Variants in AMN1 observed in about 807,000 individuals in gnomAD.
The protein encoded by AMN1 is protein AMN1 homolog.
AMN1 carries 20 observed loss-of-function variants against 33.0 expected under a neutral mutation model. That is an observed-to-expected ratio of 0.61 (90% CI 0.43 to 0.88). The LOEUF (loss-of-function observed/expected upper bound fraction) is 0.88. AMN1 is among the 40% of genes least tolerant of loss of function. The pLI, the probability that AMN1 is intolerant of heterozygous loss-of-function variation, is 0.00. For synonymous variants in AMN1, 114 were observed against 111.9 expected (o/e 1.02, Z -0.12); for missense variants, 246 against 307.4 (o/e 0.80, Z 1.49).
chr12:31,701,784 C>T (rs879294674), intron 3 of AMN1, 79 bp downstream of exon 3: 125 of 1,204,626 alleles, frequency 1.0e-4, no homozygotes, highest in Non-Finnish European at 1.3e-4. Flanking sequence ...TCTCTTTTGA[C>T]GTATTTTCTC....
chr12:31,712,037 C>T (rs1386752713), intron 1 of AMN1, among the ~76,000 whole-genome samples: 1 of 151,584 alleles, frequency 6.6e-6, no homozygotes, highest in African/African-American at 2.4e-5. Flanking sequence ...AGAATTCATT[C>T]ATTCCCCCCT....
intron 1 of AMN1, among the ~76,000 whole-genome samples, chr12:31,720,576 T>C (rs967869832): frequency 6.6e-6 from 1 of 152,136 alleles, no homozygotes; most frequent in African/African-American, 2.4e-5. Context: ...CATTCCTCCT[T>C]TTTCTCACAA....
chr12:31,680,344 G>A (rs1164717310), intron 6 of AMN1, among the ~76,000 whole-genome samples: 1 of 151,720 alleles, frequency 6.6e-6, no homozygotes, highest in African/African-American at 2.4e-5. Flanking sequence ...GGGATTATAG[G>A]CACCCGTCAC....
At chr12:31,709,061 C>T (rs1303642129) in intron 2 of AMN1, 1 of 559,044 alleles carries the variant, frequency 1.8e-6, no homozygotes, top group African/African-American at 1.9e-5. Flanking sequence ...ACCTATAGTC[C>T]CAACTACTCA....
upstream of AMN1, chr12:31,729,104 T>C (rs918619668): frequency 7.4e-7 from 1 of 1,347,438 alleles, no homozygotes; most frequent in African/African-American, 1.5e-5. Context: ...GACGCGTAGG[T>C]TTTTGTGACG....
At chr12:31,700,708 G>A (rs1331300002) in intron 3 of AMN1, among the ~76,000 whole-genome samples, 1 of 149,312 alleles carries the variant, frequency 6.7e-6, no homozygotes, top group East Asian at 2.0e-4. Context: ...TTATTTTTTT[G>A]AGACGGAGTC....
chr12:31,697,702 C>CA (rs763466711), intron 4 of AMN1, 38 bp downstream of exon 4: 213 of 1,577,116 alleles, frequency 1.4e-4, no homozygotes, highest in Non-Finnish European at 1.7e-4. Flanking sequence ...ATTTGGTAAA[C>CA]ACATAGTCTA....
intron 1 of AMN1, among the ~76,000 whole-genome samples, chr12:31,721,725 C>A (rs1234735361): frequency 6.6e-6 from 1 of 152,280 alleles, no homozygotes; most frequent in East Asian, 1.9e-4. Flanking sequence ...ACCTGGTCTG[C>A]CACTTGGAAG....
intron 5 of AMN1, among the ~76,000 whole-genome samples, chr12:31,694,442 C>CAAAA (rs71062451): frequency 1.1e-3 from 125 of 116,756 alleles, no homozygotes; most frequent in African/African-American, 4.1e-3. Flanking sequence ...AACTCTGTCT[C>CAAAA]AAAAAAAAAA....
chr12:31,702,082 T>C (rs1939031084), intron 2 of AMN1, 75 bp from the exon 3 acceptor site: 4 of 1,346,878 alleles, frequency 3.0e-6, no homozygotes, highest in Non-Finnish European at 4.0e-6. Context: ...TTCAGTGTTT[T>C]GGTGGTCATA....
chr12:31,685,669 C>T (rs943514310), intron 6 of AMN1, among the ~76,000 whole-genome samples: 11 of 151,712 alleles, frequency 7.3e-5, no homozygotes, highest in African/African-American at 1.5e-4. Flanking sequence ...GACCTGGTGG[C>T]GGGCGTCTGT....
upstream of AMN1, chr12:31,729,094 G>T (rs114266500): frequency 2.9e-6 from 4 of 1,402,178 alleles, no homozygotes; most frequent in Admixed American, 7.5e-5. Context: ...CCCACCGCGC[G>T]ACGCGTAGGT....
intron 6 of AMN1, among the ~76,000 whole-genome samples, chr12:31,684,575 A>C (rs565049903): frequency 2.7e-4 from 41 of 149,864 alleles, no homozygotes; most frequent in Non-Finnish European, 4.9e-4. Context: ...AGTTCATGCC[A>C]TTCTCCTGCC....
At chr12:31,673,549 T>C (rs1354373760) in intron 6 of AMN1, 2 of 356,774 alleles carry the variant, frequency 5.6e-6, no homozygotes, top group Non-Finnish European at 1.1e-5. Flanking sequence ...GACAAAGACA[T>C]ACCATTTAAA....
At chr12:31,724,499 A>T (rs1939990239) in intron 1 of AMN1, among the ~76,000 whole-genome samples, 2 of 152,208 alleles carry the variant, frequency 1.3e-5, no homozygotes, top group Admixed American at 6.5e-5. Context: ...TTTAAAATTT[A>T]TGAATTGTTT....
chr12:31,728,253 G>C (rs745765362), intron 1 of AMN1, among the ~76,000 whole-genome samples: 8 of 152,186 alleles, frequency 5.3e-5, no homozygotes, highest in Non-Finnish European at 7.3e-5. Flanking sequence ...CTGGAGAGAC[G>C]CAATTGCCCT....
In AMN1 at chr12:31,704,371, GT is replaced by G. The variant is rs57993600; in HGVS notation, c.172-2365del. ...CTCTGAGTATTTCCTGATTCTTCTGGTTTTTTATTTGGTTGTTTTGTTTTTT... is the reference window on the plus strand; with the variant it reads ...CTCTGAGTATTTCCTGATTCTTCTGGTTTTTATTTGGTTGTTTTGTTTTTT... On this transcript the variant is annotated intron_variant, in intron 2 of 6. Transcript: ENST00000281471. 8.4e-3 allele frequency among the ~76,000 whole-genome samples: 1,269 copies of G among 151,806 alleles called. 18 individuals are homozygous for G. Among genetic ancestry groups the G allele is most frequent in the African/African-American group, 0.029 (1,198 of 41,400 alleles).
At chr12:31,673,662 C>A (rs1457769974) in intron 6 of AMN1, 3 of 429,466 alleles carry the variant, frequency 7.0e-6, no homozygotes, top group Non-Finnish European at 1.4e-5. Context: ...CAGACAAAGA[C>A]ATCACATGAA....
intron 6 of AMN1, among the ~76,000 whole-genome samples, chr12:31,685,032 T>A (rs1441488969): frequency 7.2e-6 from 1 of 139,120 alleles, no homozygotes; most frequent in African/African-American, 2.7e-5. Context: ...ATAATTATTA[T>A]TTTTTTTTTT....
Sources: gnomAD v4.1 joint callset for allele counts (sites outside exome capture counted in the v4.1 genomes callset) on GRCh38, gnomAD v4.1.1 for gene constraint, MANE v1.5 for transcripts, NCBI Gene and HGNC (gene_info 2026-07-23, HGNC 2026-07-21) for gene names.